The following TMEM62 variants were observed in gnomAD, a reference collection of about 807,000 sequenced individuals.
TMEM62 encodes the protein transmembrane protein 62.
Under a neutral mutation model 70.4 loss-of-function variants are expected in TMEM62, and 41 were observed. That is an observed-to-expected ratio of 0.58 (90% CI 0.45 to 0.76). The LOEUF (loss-of-function observed/expected upper bound fraction) is 0.76, where lower values mean the gene tolerates loss of function less well. TMEM62 is among the 30% of genes least tolerant of loss of function. TMEM62 has a pLI of 0.00. For synonymous variants in TMEM62, 268 were observed against 291.0 expected, an observed-to-expected ratio of 0.92 and a Z score of 0.80; for missense variants, 688 against 788.5, an observed-to-expected ratio of 0.87 and a Z score of 1.53.
Position 43,133,632 on chromosome 15 carries a change from C to A in TMEM62, c.-171C>A. ...CAGGTGCTGGGCGGCGGCTGACGGGCGCAGCACCCTAGGCCCAGTGTCTGG... is the reference window on the plus strand; with the variant it reads ...CAGGTGCTGGGCGGCGGCTGACGGGAGCAGCACCCTAGGCCCAGTGTCTGG... On this transcript the variant is annotated 5_prime_UTR_variant, in exon 1 of 14. Transcript: ENST00000260403. The A allele has an allele frequency of 4.7e-6, 2 of 429,550 alleles. No homozygotes were observed. Among genetic ancestry groups the A allele is most frequent in the South Asian group, 1.1e-4 (1 of 8,904 alleles). The allele number at this position is 429,550 out of a possible 1,614,324, so 26.6% of individuals were successfully genotyped here.
chr15:43,152,036 T>G (rs2037459552), intron 8 of TMEM62, 91 bp downstream of exon 8: 2 of 959,254 alleles, frequency 2.1e-6, no homozygotes, highest in Non-Finnish European at 3.0e-6. Context: ...AGCTATGAGA[T>G]GCCCCATTTT....
At chr15:43,149,789 A>C (rs930234596) in intron 7 of TMEM62, among the ~76,000 whole-genome samples, 1 of 152,112 alleles carries the variant, frequency 6.6e-6, no homozygotes, top group Non-Finnish European at 1.5e-5. Context: ...CTAGGACTAG[A>C]AGTGTCATGT....
In TMEM62 at chr15:43,160,442, G is replaced by A. The variant is rs966617335; in HGVS notation, c.1183-239G>A. 20 of 416,926 alleles carry A rather than the reference G, an allele frequency of 4.8e-5. No homozygotes were observed. The Admixed American group carries it at 6.9e-4, about 14-fold the overall frequency. The allele number at this position is 416,926 out of a possible 1,614,324, so 25.8% of individuals were successfully genotyped here. A position where few individuals can be genotyped will look rare whatever the true frequency, so the allele number is the denominator to read the frequency against. On this transcript the variant is annotated intron_variant, in intron 9 of 13. Transcript: ENST00000260403. ...GGTGTGTGCCTATAGTCCTGCAGCT[G>A]TATCAGGAAGATCACTTGACCACAG...
At chr15:43,171,837 C>T (rs1277703307) in intron 11 of TMEM62, among the ~76,000 whole-genome samples, 3 of 151,922 alleles carry the variant, frequency 2.0e-5, no homozygotes, top group Admixed American at 6.6e-5. Flanking sequence ...CCATGTTAGC[C>T]AGCTTGGTCT....
intron 10 of TMEM62, among the ~76,000 whole-genome samples, chr15:43,167,208 G>C (rs1351847379): frequency 5.9e-5 from 9 of 151,388 alleles, no homozygotes; most frequent in African/African-American, 1.9e-4. Flanking sequence ...CTGGCCGGGC[G>C]GGGGGCTGAC....
At position 43,152,250 on chromosome 15, in the gene TMEM62, C is replaced by T. The variant is rs552122563; in HGVS notation, c.1022+305C>T. Among the ~76,000 whole-genome samples, 5 of 152,226 alleles carry T rather than the reference C, an allele frequency of 3.3e-5. No individual in the cohort carries two copies. In the South Asian group the frequency reaches 1.0e-3, roughly 32 times the overall value. ...TTTACATTGCTATAAGCATAATGTACATATTCCTTTATAGTCTACTTTTTA... is the reference window on the plus strand; with the variant it reads ...TTTACATTGCTATAAGCATAATGTATATATTCCTTTATAGTCTACTTTTTA... On this transcript the variant is annotated intron_variant, in intron 8 of 13. Transcript: ENST00000260403.
chr15:43,165,297 T>C (rs2039263997), intron 10 of TMEM62, among the ~76,000 whole-genome samples: 1 of 152,154 alleles, frequency 6.6e-6, no homozygotes, highest in Non-Finnish European at 1.5e-5. Context: ...TAGATGGTCT[T>C]TAAGCTCACT....
intron 11 of TMEM62, among the ~76,000 whole-genome samples, chr15:43,174,162 T>C (rs1446412743): frequency 2.0e-5 from 3 of 152,092 alleles, no homozygotes; most frequent in African/African-American, 7.2e-5. Flanking sequence ...ACTGTGCCTG[T>C]CTTCAATGCA....
At chr15:43,137,621 C>T (rs1356494534) in intron 3 of TMEM62, among the ~76,000 whole-genome samples, 1 of 152,278 alleles carries the variant, frequency 6.6e-6, no homozygotes, top group Non-Finnish European at 1.5e-5. Context: ...GAACATCCCA[C>T]TGTCCCAACC....
In TMEM62 at chr15:43,133,950, C is replaced by A. The variant is rs770602916; in HGVS notation, c.148C>A (p.Pro50Thr). ...PPRRPHPAPG[P>T]GDSNIFWGLQ... ...CAGGAGGCCGCACCCTGCGCCAGGG[C>A]CCGGAGACAGCAACATCTTCTGGGG... The change falls in exon 1 of 14, where the codon CCC becomes ACC. Residue 50 changes from proline to threonine, a missense_variant. Coordinates refer to ENST00000260403, the MANE Select transcript of TMEM62 (RefSeq NM_024956.4). 1.2e-5 allele frequency: 17 copies of A among 1,467,830 alleles called. No individual in the cohort carries two copies. The East Asian group carries it at 4.4e-4, about 38-fold the overall frequency. 90.9% of individuals were successfully genotyped at this position (1,467,830 alleles called of 1,614,324 possible).
intron 8 of TMEM62, 141 bp downstream of exon 8, chr15:43,152,086 GCTTA>G: frequency 2.1e-6 from 1 of 481,576 alleles, no homozygotes; most frequent in Non-Finnish European, 3.5e-6. Flanking sequence ...AAGATAGATT[GCTTA>G]CTGTTTTGTT....
At chr15:43,135,753 C>A in intron 3 of TMEM62, 104 bp downstream of exon 3, 1 of 1,313,620 alleles carries the variant, frequency 7.6e-7, no homozygotes, top group Non-Finnish European at 1.0e-6. Flanking sequence ...GGGACATTTA[C>A]ATATACTAAA....
At chr15:43,167,504 G>A (rs1333000397) in intron 10 of TMEM62, among the ~76,000 whole-genome samples, 33 of 151,144 alleles carry the variant, frequency 2.2e-4, no homozygotes, top group African/African-American at 7.8e-4. Flanking sequence ...GGGCAGAGGC[G>A]CTCCCCACAT....
chr15:43,169,970 C>T (rs1477357911), intron 11 of TMEM62: 11 of 245,070 alleles, frequency 4.5e-5, no homozygotes, highest in Non-Finnish European at 7.0e-5. Context: ...ACAGGTTTTA[C>T]GGGGATTCAG....
rs1224271436 is a variant in TMEM62 at position 43,133,997 on chromosome 15, A to G, written c.180+15A>G. Reference sequence around the variant, plus strand: ...GGGGCCTGCAGGTGACGCGGCGGGAAGCCGGGCCGGGAGGCAGGTGCAGAT... The same window carrying G: ...GGGGCCTGCAGGTGACGCGGCGGGAGGCCGGGCCGGGAGGCAGGTGCAGAT... On this transcript the variant is annotated intron_variant, in intron 1 of 13. Coordinates refer to ENST00000260403, the MANE Select transcript of TMEM62 (RefSeq NM_024956.4). 1.4e-6 allele frequency: 2 copies of G among 1,437,244 alleles called. No homozygotes were observed. The highest frequency in any genetic ancestry group is 2.9e-5 in the African/African-American group (2 of 69,174). 89.0% of individuals were successfully genotyped at this position (1,437,244 alleles called of 1,614,324 possible). A position where few individuals can be genotyped will look rare whatever the true frequency, so the allele number is the denominator to read the frequency against.
chr15:43,167,671 C>G (rs1303961073), intron 10 of TMEM62, among the ~76,000 whole-genome samples: 1 of 151,726 alleles, frequency 6.6e-6, no homozygotes, highest in East Asian at 2.0e-4. Flanking sequence ...CTCCTCACAT[C>G]CCAGACGATG....
At chr15:43,152,296 A>T (rs1250835700) in intron 8 of TMEM62, among the ~76,000 whole-genome samples, 1 of 151,910 alleles carries the variant, frequency 6.6e-6, no homozygotes, top group Admixed American at 6.6e-5. Context: ...TATATATCAA[A>T]TTTTTTTTCA....
chr15:43,181,021 A>G, intron 12 of TMEM62, 160 bp from the exon 13 acceptor site: 1 of 627,852 alleles, frequency 1.6e-6, no homozygotes, highest in Non-Finnish European at 2.9e-6. Flanking sequence ...GATATCAAGT[A>G]CAACACAGAG....
rs2036747176 is a variant in TMEM62, at chr15:43,146,938, C to T, written c.618+304C>T. Reference sequence around the variant, plus strand: ...GACATACAGCTTTGTGTGGTATATTCCTAAGTTCCCACAATTGCCAGTTCT... The same window carrying T: ...GACATACAGCTTTGTGTGGTATATTTCTAAGTTCCCACAATTGCCAGTTCT... On this transcript the variant is annotated intron_variant, in intron 5 of 13. Coordinates refer to ENST00000260403, the MANE Select transcript of TMEM62 (RefSeq NM_024956.4). Among the ~76,000 whole-genome samples the T allele has an allele frequency of 2.0e-5, 3 of 152,140 alleles. No individual in the cohort carries two copies. The South Asian group carries it at 6.2e-4, about 32-fold the overall frequency.
Sources: gnomAD v4.1 joint callset for allele counts (sites outside exome capture counted in the v4.1 genomes callset) on GRCh38, gnomAD v4.1.1 for gene constraint, MANE v1.5 for transcripts, NCBI Gene and HGNC (gene_info 2026-07-23, HGNC 2026-07-21) for gene names.